Variants in NEO1 observed in about 807,000 individuals in gnomAD.
The protein encoded by NEO1 is neogenin 1.
A neutral mutation model predicts 159.7 loss-of-function variants in NEO1; 63 were observed. That is an observed-to-expected ratio of 0.39 (90% CI 0.32 to 0.49). NEO1 has a LOEUF of 0.49. NEO1 is among the 20% of genes least tolerant of loss of function. The probability of loss-of-function intolerance (pLI) is 0.85; values close to 1 mark genes in which losing one functional copy is unlikely to be tolerated. For synonymous variants in NEO1, 633 were observed against 662.0 expected, an observed-to-expected ratio of 0.96 and a Z score of 0.67; for missense variants, 1,615 against 1,831.0, an observed-to-expected ratio of 0.88 and a Z score of 2.15.
intron 4 of NEO1, among the ~76,000 whole-genome samples, chr15:73,130,994 C>T (rs2151715544): frequency 6.6e-6 from 1 of 152,298 alleles, no homozygotes; most frequent in Admixed American, 6.5e-5. Flanking sequence ...TCCCCACTTA[C>T]ATGTTAATGG....
intron 5 of NEO1, among the ~76,000 whole-genome samples, chr15:73,163,308 G>A (rs1344104486): frequency 6.6e-6 from 1 of 151,950 alleles, no homozygotes; most frequent in African/African-American, 2.4e-5. Context: ...AATTATTTAA[G>A]TAATGCAGTA....
At chr15:73,102,155 C>T (rs957338223) in intron 1 of NEO1, among the ~76,000 whole-genome samples, 3 of 152,040 alleles carry the variant, frequency 2.0e-5, no homozygotes, top group Non-Finnish European at 2.9e-5. Flanking sequence ...ATCATGAGGT[C>T]GGGAGTTCAA....
intron 4 of NEO1, among the ~76,000 whole-genome samples, chr15:73,133,470 G>A (rs2031386038): frequency 6.6e-6 from 1 of 152,118 alleles, no homozygotes; most frequent in Non-Finnish European, 1.5e-5. Context: ...GGTGATGGGT[G>A]CACCAAAATC....
At chr15:73,217,935 T>G (rs1207117462) in intron 7 of NEO1, among the ~76,000 whole-genome samples, 1 of 152,160 alleles carries the variant, frequency 6.6e-6, no homozygotes, top group African/African-American at 2.4e-5. Flanking sequence ...TCCTGCCTAA[T>G]TGCCCTGGCC....
intron 1 of NEO1, among the ~76,000 whole-genome samples, chr15:73,110,257 T>C (rs2070904784): frequency 6.6e-6 from 1 of 152,152 alleles, no homozygotes; most frequent in Admixed American, 6.5e-5. Flanking sequence ...CCTTTGACAG[T>C]AGTGTCTTAG....
intron 7 of NEO1, among the ~76,000 whole-genome samples, chr15:73,234,370 A>G (rs933555309): frequency 1.3e-5 from 2 of 152,198 alleles, no homozygotes; most frequent in Non-Finnish European, 2.9e-5. Context: ...TTCTCTGTTA[A>G]TGACACCTCA....
At chr15:73,237,851 T>A (rs952785889) in intron 8 of NEO1, among the ~76,000 whole-genome samples, 1 of 152,232 alleles carries the variant, frequency 6.6e-6, no homozygotes, top group Non-Finnish European at 1.5e-5. Flanking sequence ...AGAAACCATT[T>A]AGTAATTCTG....
At chr15:73,178,496 AT>A (rs1178467129) in intron 7 of NEO1, 69 bp downstream of exon 7, 2 of 1,564,662 alleles carry the variant, frequency 1.3e-6, no homozygotes, top group East Asian at 4.6e-5. Context: ...ATCCGTCCAA[AT>A]AACTCATGAT....
rs575747487 is a variant in NEO1, at chr15:73,127,428, G to T, written c.878+858G>T. ...AGAGATGTGGGGTGGTGGTAGGTAGGTATGTTTTTGCTTCCAAAATAATGC... is the reference window on the plus strand; with the variant it reads ...AGAGATGTGGGGTGGTGGTAGGTAGTTATGTTTTTGCTTCCAAAATAATGC... On this transcript the variant is annotated intron_variant, in intron 4 of 28. Coordinates refer to ENST00000261908, the MANE Select transcript of NEO1 (RefSeq NM_002499.4). Among the ~76,000 whole-genome samples, 110 of 152,244 alleles carry T rather than the reference G, an allele frequency of 7.2e-4. 1 individual carries two copies. Among genetic ancestry groups the T allele is most frequent in the African/African-American group, 2.6e-3 (108 of 41,540 alleles).
intron 11 of NEO1, among the ~76,000 whole-genome samples, chr15:73,253,058 T>C (rs549386406): frequency 1.4e-4 from 22 of 152,200 alleles, no homozygotes; most frequent in African/African-American, 4.8e-4. Flanking sequence ...ACATTTAAGG[T>C]TCTGAGTACA....
At chr15:73,151,121 G>A (rs1478030871) in intron 5 of NEO1, among the ~76,000 whole-genome samples, 1 of 152,152 alleles carries the variant, frequency 6.6e-6, no homozygotes, top group Non-Finnish European at 1.5e-5. Context: ...AGTGGTGTCA[G>A]TCATTTTAAC....
At chr15:73,176,359 A>G (rs1187442519) in intron 5 of NEO1, 44 bp from the exon 6 acceptor site, 6 of 1,269,202 alleles carry the variant, frequency 4.7e-6, no homozygotes, top group Middle Eastern at 2.1e-4. Flanking sequence ...ATAGCTGCCT[A>G]GTTCTATTTT....
chr15:73,276,370 T>C (rs1265228505), intron 21 of NEO1, among the ~76,000 whole-genome samples: 2 of 152,234 alleles, frequency 1.3e-5, no homozygotes, highest in Non-Finnish European at 2.9e-5. Context: ...AAATGTAGCC[T>C]AGCTGTCAAC....
At position 73,301,459 on chromosome 15, in the gene NEO1, T is replaced by C; in HGVS notation, c.4302+2T>C. The C allele has an allele frequency of 6.2e-7, 1 of 1,614,122 alleles. No homozygotes were observed. Among genetic ancestry groups the C allele is most frequent in the Non-Finnish European group, 8.5e-7 (1 of 1,180,018 alleles). On this transcript the variant is annotated splice_donor_variant, in intron 28 of 28. Coordinates refer to ENST00000261908, the MANE Select transcript of NEO1 (RefSeq NM_002499.4). LOFTEE classifies it high-confidence loss of function. ...AGGATGTTGGAAGACTCCGAGAGTG[T>C]AAGTTCGTGGGGCCATCAGTCCAGC...
intron 1 of NEO1, among the ~76,000 whole-genome samples, chr15:73,066,254 C>A (rs2068216343): frequency 7.9e-6 from 1 of 126,956 alleles, no homozygotes; most frequent in African/African-American, 2.9e-5. Context: ...CTCCTGACCT[C>A]GTGATCCACC....
At chr15:73,124,172 C>G (rs528991597) in intron 3 of NEO1, among the ~76,000 whole-genome samples, 1 of 152,158 alleles carries the variant, frequency 6.6e-6, no homozygotes, top group Non-Finnish European at 1.5e-5. Flanking sequence ...AAGTGTTCCT[C>G]CTACCTCAGC....
intron 4 of NEO1, among the ~76,000 whole-genome samples, chr15:73,135,591 T>C (rs2031661326): frequency 6.6e-6 from 1 of 152,150 alleles, no homozygotes; most frequent in Admixed American, 6.5e-5. Flanking sequence ...GAGACAGGGA[T>C]GGGCTGAAGG....
At chr15:73,095,034 C>A (rs930652751) in intron 1 of NEO1, among the ~76,000 whole-genome samples, 2 of 151,986 alleles carry the variant, frequency 1.3e-5, no homozygotes, top group Non-Finnish European at 2.9e-5. Flanking sequence ...CATGGTGAAA[C>A]CCCGTCTCTA....
chr15:73,260,127 C>T (rs529522370), intron 14 of NEO1, 144 bp from the exon 15 acceptor site: 7 of 493,388 alleles, frequency 1.4e-5, no homozygotes, highest in Middle Eastern at 6.2e-4. Flanking sequence ...ACTATACATA[C>T]AGATTCTTTT....
Sources: allele counts gnomAD v4.1 joint callset (sites outside exome capture counted in the v4.1 genomes callset), GRCh38; gene constraint gnomAD v4.1.1; transcripts MANE v1.5; gene names NCBI Gene and HGNC (gene_info 2026-07-23, HGNC 2026-07-21).